Variants in DYRK1A observed in about 807,000 individuals in gnomAD.
DYRK1A encodes dual specificity tyrosine-phosphorylation-regulated kinase 1A.
In DYRK1A, 9 loss-of-function variants were observed where a neutral mutation model predicts 79.7. The observed-to-expected ratio is 0.11, with a 90% CI of 0.07 to 0.20. DYRK1A has a LOEUF of 0.20. Ranked by LOEUF, DYRK1A falls within the 10% of genes least tolerant of loss-of-function variation. The pLI is 1.00. For missense variants in DYRK1A, 622 were observed against 956.0 expected (o/e 0.65, Z 4.61); for synonymous variants, 349 against 329.7 (o/e 1.06, Z -0.63).
intron 1 of DYRK1A, among the ~76,000 whole-genome samples, chr21:37,412,055 A>G (rs992819272): frequency 1.3e-5 from 2 of 152,216 alleles, no homozygotes; most frequent in Non-Finnish European, 2.9e-5. Context: ...AGTATATAAC[A>G]TAAATAATTA....
intron 1 of DYRK1A, among the ~76,000 whole-genome samples, chr21:37,394,221 A>T (rs2049919939): frequency 7.7e-6 from 1 of 129,040 alleles, no homozygotes; most frequent in East Asian, 2.4e-4. Flanking sequence ...CTTTTTTTTT[A>T]AACCCTTTTT....
At chr21:37,372,041 G>A (rs1480604594) in intron 1 of DYRK1A, among the ~76,000 whole-genome samples, 1 of 152,004 alleles carries the variant, frequency 6.6e-6, no homozygotes, top group African/African-American at 2.4e-5. Context: ...TTCTACCAGA[G>A]CTATGCATTT....
chr21:37,366,881 C>T lies in DYRK1A; in HGVS notation c.-824C>T, dbSNP rs558214906. 2.0e-5 allele frequency: 3 copies of T among 152,966 alleles called. No individual in the cohort carries two copies. The highest frequency in any genetic ancestry group is 3.9e-4 in the East Asian group (2 of 5,162). The allele number at this position is 152,966 out of a possible 1,614,324, so 9.5% of individuals were successfully genotyped here. A position where few individuals can be genotyped will look rare whatever the true frequency, so the allele number is the denominator to read the frequency against. ...CATTGGAGTGAGGCGGGGGTGGCGG[C>T]GGCAACCGCGGCGGGGGTATCCGGG... On this transcript the variant is annotated 5_prime_UTR_variant, in exon 1 of 12. Transcript: ENST00000647188.
At chr21:37,471,854 T>C (rs1832075347) in intron 2 of DYRK1A, among the ~76,000 whole-genome samples, 1 of 152,248 alleles carries the variant, frequency 6.6e-6, no homozygotes, top group Non-Finnish European at 1.5e-5. Context: ...GTCATTCTTG[T>C]TGACCAAGGT....
Position 37,505,456 on chromosome 21 carries a change from T to C in DYRK1A, c.1386T>C (p.Tyr462=), listed in dbSNP as rs1240778840. The change falls in exon 10 of 12, where the codon TAT becomes TAC. Residue 462 remains tyrosine (Y), a synonymous_variant. Transcript: ENST00000647188. ...DYDPKTRIQP[Y]YALQHSFFKK... is the part of the protein sequence containing the mutation. Reference sequence around the variant, plus strand: ...ACCCCAAAACTCGAATTCAACCTTATTATGCTCTGCAGCACAGTTTCTTCA... The same window carrying C: ...ACCCCAAAACTCGAATTCAACCTTACTATGCTCTGCAGCACAGTTTCTTCA... 3.1e-6 allele frequency: 5 copies of C among 1,614,202 alleles called. No homozygotes were observed. The highest frequency in any genetic ancestry group is 3.3e-5 in the Admixed American group (2 of 60,024).
At chr21:37,373,566 GT>G (rs1429679881) in intron 1 of DYRK1A, among the ~76,000 whole-genome samples, 2 of 152,164 alleles carry the variant, frequency 1.3e-5, no homozygotes, top group African/African-American at 4.8e-5. Flanking sequence ...AGGGAGCTTG[GT>G]TCCTTCTGTC....
At position 37,496,201 on chromosome 21, in the gene DYRK1A, C is replaced by A. The variant is rs138755502; in HGVS notation, c.1155C>A (p.Phe385Leu). Reference protein sequence around the residue: ...ILDQAPKARKFFEKLPDGTWN... With the variant: ...ILDQAPKARKLFEKLPDGTWN... The stretch of plus-strand genomic sequence containing the variant: ...ACCAAGCACCAAAAGCAAGAAAGTT[C>A]TTTGAGAAGTTGCCAGATGGCACTT... Residue 385 changes from phenylalanine (F) to leucine (L), a missense_variant, in exon 9 of 12, where the codon TTC becomes TTA. This residue lies in a region of DYRK1A where 80 missense variants were observed against 116.5 expected (regional missense o/e 0.69). Transcript: ENST00000647188. 1 of 1,614,030 alleles carries A rather than the reference C, an allele frequency of 6.2e-7. No homozygotes were observed. The highest frequency in any genetic ancestry group is 1.7e-5 in the Admixed American group (1 of 60,010).
chr21:37,405,762 A>C (rs2050135480), intron 1 of DYRK1A, among the ~76,000 whole-genome samples: 1 of 152,140 alleles, frequency 6.6e-6, no homozygotes, highest in Admixed American at 6.5e-5. Context: ...GCGTAGTCAT[A>C]CATTAGTGTG....
intron 1 of DYRK1A, among the ~76,000 whole-genome samples, chr21:37,406,753 A>ATCTCTATT (rs1248011613): frequency 6.8e-6 from 1 of 147,052 alleles, no homozygotes; most frequent in African/African-American, 2.5e-5. Context: ...ATATCTCTAT[A>ATCTCTATT]TATCTATATA....
At chr21:37,417,810 G>A (rs535949475) in intron 1 of DYRK1A, among the ~76,000 whole-genome samples, 8 of 152,058 alleles carry the variant, frequency 5.3e-5, no homozygotes, top group African/African-American at 7.2e-5. Flanking sequence ...TGGATTGTTC[G>A]TAGACCTTCA....
At chr21:37,444,427 C>T (rs894886376) in intron 2 of DYRK1A, among the ~76,000 whole-genome samples, 3 of 152,180 alleles carry the variant, frequency 2.0e-5, no homozygotes, top group Non-Finnish European at 2.9e-5. Flanking sequence ...GTAAGTCAGG[C>T]ACGCATTAAT....
intron 1 of DYRK1A, among the ~76,000 whole-genome samples, chr21:37,370,827 T>C (rs1274952603): frequency 1.3e-5 from 2 of 152,222 alleles, no homozygotes; most frequent in Non-Finnish European, 2.9e-5. Flanking sequence ...AGTAAAGATA[T>C]TACGTGAAAC....
intron 5 of DYRK1A, among the ~76,000 whole-genome samples, chr21:37,482,733 A>G (rs537160942): frequency 1.1e-3 from 161 of 152,196 alleles, no homozygotes; most frequent in African/African-American, 3.7e-3. Flanking sequence ...GGCTTATTTC[A>G]TCCCTACAGT....
At chr21:37,400,960 A>G (rs762141605) in intron 1 of DYRK1A, among the ~76,000 whole-genome samples, 1 of 152,256 alleles carries the variant, frequency 6.6e-6, no homozygotes, top group Middle Eastern at 3.4e-3. Context: ...CCTGGCCAAC[A>G]TGATGAGACC....
At chr21:37,383,465 G>T (rs974897441) in intron 1 of DYRK1A, among the ~76,000 whole-genome samples, 2 of 152,162 alleles carry the variant, frequency 1.3e-5, no homozygotes, top group Admixed American at 1.3e-4. Flanking sequence ...TTCTTTGTTT[G>T]CAACTAAGAA....
intron 2 of DYRK1A, among the ~76,000 whole-genome samples, chr21:37,442,551 T>C (rs1364230563): frequency 6.6e-6 from 1 of 152,162 alleles, no homozygotes; most frequent in Non-Finnish European, 1.5e-5. Flanking sequence ...TCATTCACAT[T>C]GTAGTTTTTA....
rs766288349 is a variant in DYRK1A at position 37,512,211 on chromosome 21, C to T, written c.1945C>T (p.Leu649=). 10 of 1,614,084 alleles carry T rather than the reference C, an allele frequency of 6.2e-6. No homozygotes were observed. The highest frequency in any genetic ancestry group is 1.3e-5 in the African/African-American group (1 of 74,924). Residue 649 remains leucine (L), a synonymous_variant, in exon 12 of 12, where the codon CTG becomes TTG. Transcript: ENST00000647188. The part of the protein sequence containing the change: ...VGHSHHSMTS[L]SSSTTSSSTS... ...CCACAGTCACCACTCCATGACATCCCTGTCTTCCTCAACGACTTCTTCCTC... is the reference window on the plus strand; with the variant it reads ...CCACAGTCACCACTCCATGACATCCTTGTCTTCCTCAACGACTTCTTCCTC...
chr21:37,373,153 C>T (rs2049466747), intron 1 of DYRK1A, among the ~76,000 whole-genome samples: 1 of 150,996 alleles, frequency 6.6e-6, no homozygotes, highest in Non-Finnish European at 1.5e-5. Context: ...TCATCTTGGG[C>T]AAAACAGCTT....
chr21:37,371,783 GAT>G (rs2148353915), intron 1 of DYRK1A, among the ~76,000 whole-genome samples: 2 of 151,948 alleles, frequency 1.3e-5, no homozygotes, highest in South Asian at 4.1e-4. Flanking sequence ...TGTTTTAATT[GAT>G]TTTTGGGGGG....
Sources: gnomAD v4.1 joint callset for allele counts (sites outside exome capture counted in the v4.1 genomes callset) on GRCh38, gnomAD v4.1.1 for gene constraint, gnomAD v4.1.1 regional missense constraint, MANE v1.5 for transcripts, NCBI Gene and HGNC (gene_info 2026-07-23, HGNC 2026-07-21) for gene names.